Variants in BEST1 observed in about 807,000 individuals in gnomAD.
BEST1 encodes bestrophin 1.
Under a neutral mutation model 63.3 loss-of-function variants are expected in BEST1, and 58 were observed. The observed-to-expected ratio is 0.92, with a 90% CI of 0.74 to 1.14. BEST1 has a LOEUF of 1.14. Among genes scored for constraint, BEST1 ranks in the 50% most tolerant of loss-of-function variants. The pLI is 0.00. For synonymous variants in BEST1, 283 were observed against 291.6 expected (o/e 0.97, Z 0.30); for missense variants, 671 against 740.1 (o/e 0.91, Z 1.08).
At chr11:61,956,005 G>C (rs1277045599) in intron 4 of BEST1, 54 bp downstream of exon 4, 10 of 1,492,624 alleles carry the variant, frequency 6.7e-6, no homozygotes, top group African/African-American at 1.4e-5. Flanking sequence ...GGGCCGAGAT[G>C]GGCGCGGCAG....
chr11:61,954,920 C>T (rs1941109294), intron 2 of BEST1, 187 bp from the exon 3 acceptor site: 3 of 985,336 alleles, frequency 3.0e-6, no homozygotes, highest in Non-Finnish European at 3.6e-6. Context: ...TCCTCCTGTC[C>T]GGGTTTGGGG....
chr11:61,963,713 G>A (rs1942309308), intron 10 of BEST1: 2 of 1,121,870 alleles, frequency 1.8e-6, no homozygotes, highest in East Asian at 1.3e-4. Flanking sequence ...GCAAACATCT[G>A]TGGCCTGTTC....
At chr11:61,965,283 T>G, downstream of BEST1, 1 of 1,596,762 alleles carries the variant, frequency 6.3e-7, no homozygotes, top group Non-Finnish European at 8.6e-7. Context: ...CATCACTTTA[T>G]AAGGGCAATT....
At chr11:61,963,922 C>A in intron 10 of BEST1, 182 bp from the exon 11 acceptor site, 1 of 1,413,974 alleles carries the variant, frequency 7.1e-7, no homozygotes, top group Non-Finnish European at 9.3e-7. Flanking sequence ...TGCTTGAACC[C>A]AGGAGGTGGT....
At chr11:61,963,382 T>A in intron 10 of BEST1, 3 of 1,250,900 alleles carry the variant, frequency 2.4e-6, no homozygotes, top group Non-Finnish European at 3.0e-6. Context: ...TAGGAACTGG[T>A]AGATGGTGAG....
intron 7 of BEST1, 74 bp downstream of exon 7, chr11:61,958,372 G>T (rs1292158300): frequency 6.2e-7 from 1 of 1,610,070 alleles, no homozygotes; most frequent in East Asian, 2.2e-5. Flanking sequence ...CCTGAGACGA[G>T]GATGCAGTGT....
rs776306333 is a variant in BEST1 at position 61,957,348 on chromosome 11, G to C, written c.637-39G>C. 3.2e-6 allele frequency: 5 copies of C among 1,578,984 alleles called. No homozygotes were observed. In the African/African-American group the frequency reaches 5.4e-5, roughly 17 times the overall value. On this transcript the variant is annotated intron_variant, in intron 5 of 10. Transcript: ENST00000378043. Reference sequence around the variant, plus strand: ...GGGGGCGAGCCCAGGGTGGGGGCAGGTGGTGTTCAGAACCCCATCCCCCTC... The same window carrying C: ...GGGGGCGAGCCCAGGGTGGGGGCAGCTGGTGTTCAGAACCCCATCCCCCTC...
chr11:61,957,358 G>A (rs762905693), intron 5 of BEST1, 29 bp from the exon 6 acceptor site: 2 of 1,604,320 alleles, frequency 1.2e-6, no homozygotes, highest in South Asian at 2.2e-5. Context: ...GTGGTGTTCA[G>A]AACCCCATCC....
At chr11:61,959,612 C>G in intron 8 of BEST1, 34 bp downstream of exon 8, 1 of 1,610,600 alleles carries the variant, frequency 6.2e-7, no homozygotes, top group African/African-American at 1.3e-5. Flanking sequence ...ATACCATGGA[C>G]CTTCCCCAAA....
At chr11:61,958,698 A>G (rs1391689995) in intron 7 of BEST1, 1 of 460,594 alleles carries the variant, frequency 2.2e-6, no homozygotes, top group African/African-American at 2.0e-5. Context: ...TTGTCCAGGT[A>G]TTCCCTCCCA....
chr11:61,958,485 G>A (rs1226533213), intron 7 of BEST1, 187 bp downstream of exon 7: 57 of 1,489,100 alleles, frequency 3.8e-5, no homozygotes, highest in Middle Eastern at 2.3e-4. Context: ...GCTTGAACCC[G>A]GGAGGCGGAG....
intron 4 of BEST1, among the ~76,000 whole-genome samples, chr11:61,956,595 T>G (rs1941387874): frequency 6.6e-6 from 1 of 152,128 alleles, no homozygotes; most frequent in African/African-American, 2.4e-5. Flanking sequence ...AGTTCCAGGC[T>G]GCAGTGCGCT....
chr11:61,954,686 C>T, intron 2 of BEST1: 1 of 601,404 alleles, frequency 1.7e-6, no homozygotes, highest in African/African-American at 2.0e-5. Context: ...TGGTCTTGAA[C>T]TCTTGGTCCT....
chr11:61,955,534 G>A, intron 3 of BEST1, 184 bp from the exon 4 acceptor site: 1 of 1,005,954 alleles, frequency 9.9e-7, no homozygotes, highest in Non-Finnish European at 1.4e-6. Context: ...AGAACCCTTG[G>A]GGCTCTCGCG....
chr11:61,954,797 A>G (rs975995311), intron 2 of BEST1: 15 of 985,122 alleles, frequency 1.5e-5, no homozygotes, highest in Non-Finnish European at 1.8e-5. Flanking sequence ...CCTTGGCTGC[A>G]TTCAAAGGAT....
rs888632414 is a variant in BEST1 at position 61,963,040 on chromosome 11, G to A, written c.1739+147G>A. ...GACCTACGCCCAGCACTGGCTTGGG[G>A]TATATACTTGGCCACCTTCACAGGG... On this transcript the variant is annotated intron_variant, in intron 10 of 10. Coordinates refer to ENST00000378043, the MANE Select transcript of BEST1 (RefSeq NM_004183.4). 6.5e-6 allele frequency: 10 copies of A among 1,534,762 alleles called. No homozygotes were observed. The Admixed American group carries it at 8.3e-5, about 13-fold the overall frequency.
At position 61,951,906 on chromosome 11, in the gene BEST1, G is replaced by A. The variant is rs1479800797; in HGVS notation, c.100G>A (p.Gly34Ser). The A allele has an allele frequency of 1.9e-6, 3 of 1,613,620 alleles. No homozygotes were observed. Among genetic ancestry groups the A allele is most frequent in the Admixed American group, 1.7e-5 (1 of 60,022 alleles). The change falls in exon 2 of 11, where the codon GGC (glycine) becomes AGC (serine). Residue 34 changes from glycine (G) to serine (S), a missense_variant. By Grantham distance (56) the Gly-to-Ser change is moderately conservative (BLOSUM62 0). Coordinates refer to ENST00000378043, the MANE Select transcript of BEST1 (RefSeq NM_004183.4). Reference protein sequence around the residue: ...WRGSIYKLLYGEFLIFLLCYY... With the variant: ...WRGSIYKLLYSEFLIFLLCYY... ...GGGCAGCATCTACAAGCTGCTATAT[G>A]GCGAGTTCTTAATCTTCCTGCTCTG...
chr11:61,954,738 C>A lies in BEST1; in HGVS notation c.153-369C>A, dbSNP rs983603347. ...GCTCTGGGATTACAGGCGTGAACCA[C>A]CGTGCCCGTCCCAAACACTCTGTTT... On this transcript the variant is annotated intron_variant, in intron 2 of 10. Transcript: ENST00000378043. The A allele has an allele frequency of 5.3e-6, 5 of 944,992 alleles. No homozygotes were observed. In the African/African-American group the frequency reaches 8.9e-5, roughly 17 times the overall value. The allele number at this position is 944,992 out of a possible 1,614,324, so 58.5% of individuals were successfully genotyped here. A position where few individuals can be genotyped will look rare whatever the true frequency, so the allele number is the denominator to read the frequency against.
At chr11:61,959,316 C>T (rs1941782114) in intron 7 of BEST1, 182 bp from the exon 8 acceptor site, 1 of 669,780 alleles carries the variant, frequency 1.5e-6, no homozygotes, top group Non-Finnish European at 2.7e-6. Flanking sequence ...GGGGCTGTGT[C>T]CAGAAGTGTG....
Sources: gnomAD v4.1 joint callset for allele counts (sites outside exome capture counted in the v4.1 genomes callset) on GRCh38, gnomAD v4.1.1 for gene constraint, MANE v1.5 for transcripts, NCBI Gene and HGNC (gene_info 2026-07-23, HGNC 2026-07-21) for gene names.